Variants in FANCA observed in about 807,000 individuals in gnomAD.
FANCA encodes FA complementation group A.
In FANCA, 236 loss-of-function variants were observed where a neutral mutation model predicts 194.3. That is an observed-to-expected ratio of 1.21 (90% CI 1.09 to 1.35). The LOEUF is 1.35. FANCA is among the 40% of genes most tolerant of loss of function. FANCA has a pLI of 0.00. For synonymous variants in FANCA, 1,014 were observed against 715.8 expected (o/e 1.42, Z -6.65); for missense variants, 2,628 against 1,813.9 (o/e 1.45, Z -8.15).
Position 89,738,673 on chromosome 16 carries a change from C to A in FANCA, c.4296G>T (p.Val1432=). The A allele has an allele frequency of 6.2e-7, 1 of 1,613,862 alleles. No homozygotes were observed. The highest frequency in any genetic ancestry group is 1.1e-5 in the South Asian group (1 of 91,072). ...LADRGDCDPE[V]SAALQSRQQA... The stretch of plus-strand genomic sequence containing the variant: ...GCTGTCTGCTCTGGAGGGCGGCGCT[C>A]ACCTCTGGGTCGCAGTCCCCACGAT... The change falls in exon 43 of 43, where the codon GTG becomes GTT. Residue 1432 remains valine (V), a synonymous_variant. Coordinates refer to ENST00000389301, the MANE Select transcript of FANCA (RefSeq NM_000135.4).
In FANCA at chr16:89,775,740, A is replaced by C; in HGVS notation, c.1900+2T>G. On this transcript the variant is annotated splice_donor_variant, in intron 21 of 42. Transcript: ENST00000389301. LOFTEE classifies it high-confidence loss of function. Reference sequence around the variant, plus strand: ...GAGTGGACAAGCGGCCCAGGAACTTACCTTCTGGCTTCTCTTCAGCAGCAG... The same window carrying C: ...GAGTGGACAAGCGGCCCAGGAACTTCCCTTCTGGCTTCTCTTCAGCAGCAG... 6.2e-7 allele frequency: 1 copy of C among 1,610,718 alleles called. No individual in the cohort carries two copies. Among genetic ancestry groups the C allele is most frequent in the Non-Finnish European group, 8.5e-7 (1 of 1,178,280 alleles).
Position 89,784,925 on chromosome 16 carries a change from T to C in FANCA, c.1399A>G (p.Lys467Glu), listed in dbSNP as rs777349320. The stretch of plus-strand genomic sequence containing the variant: ...GTAAACAGGAAGACCAGGGCCTTCT[T>C]GCTGCAGCCATGGTAGCCTCGTGTG... ...GSTRGYHGCS[K>E]KALVFLFTFL... The change falls in exon 15 of 43, where the codon AAG becomes GAG. Residue 467 changes from lysine (K) to glutamate (E), a missense_variant. Transcript: ENST00000389301. 202 of 1,614,026 alleles carry C rather than the reference T, an allele frequency of 1.3e-4. 1 individual carries two copies. The highest frequency in any genetic ancestry group is 1.7e-4 in the Non-Finnish European group (197 of 1,180,020).
At chr16:89,785,643 G>C (rs997552857) in intron 14 of FANCA, among the ~76,000 whole-genome samples, 1 of 152,104 alleles carries the variant, frequency 6.6e-6, no homozygotes, top group South Asian at 2.1e-4. Context: ...GGCCCTGAAC[G>C]CATCATAGTG....
chr16:89,815,442 C>A (rs578070002), intron 2 of FANCA, among the ~76,000 whole-genome samples: 1 of 145,786 alleles, frequency 6.9e-6, no homozygotes, highest in Non-Finnish European at 1.5e-5. Flanking sequence ...TTCTGCCTCC[C>A]GGGTCCAGGT....
intron 5 of FANCA, among the ~76,000 whole-genome samples, chr16:89,809,287 C>A (rs2040786571): frequency 6.6e-6 from 1 of 152,142 alleles, no homozygotes; most frequent in Admixed American, 6.5e-5. Flanking sequence ...ATCTTCTTCG[C>A]AAATCTGTGA....
intron 30 of FANCA, among the ~76,000 whole-genome samples, chr16:89,756,718 G>A (rs1158603722): frequency 1.3e-5 from 2 of 152,216 alleles, no homozygotes; most frequent in Non-Finnish European, 2.9e-5. Flanking sequence ...GTTCCGCAGT[G>A]AGCAGCTCTG....
intron 7 of FANCA, among the ~76,000 whole-genome samples, chr16:89,803,580 G>T (rs1004983780): frequency 1.3e-5 from 2 of 151,144 alleles, no homozygotes; most frequent in African/African-American, 2.4e-5. Flanking sequence ...TTTTCCTCTT[G>T]CACTTCTATT....
At chr16:89,751,681 A>G (rs9926296) in intron 31 of FANCA, among the ~76,000 whole-genome samples, 82,150 of 151,870 alleles carry the variant, frequency 0.54, 23,223 homozygotes, top group East Asian at 0.98. Flanking sequence ...ACACAGGTAC[A>G]TGCTGCCTAC....
In FANCA at chr16:89,779,218, G is replaced by A. The variant is rs17226351; in HGVS notation, c.1716-215C>T. ...GTCCGTGGGAATCAGGACCACATTC[G>A]GCCTGCTCCCTGGGCTTGAACGTGG... On this transcript the variant is annotated intron_variant, in intron 18 of 42. Transcript: ENST00000389301. 0.016 allele frequency among the ~76,000 whole-genome samples: 2,358 copies of A among 152,120 alleles called. 47 individuals are homozygous for A. The highest frequency in any genetic ancestry group is 0.091 in the South Asian group (438 of 4,814).
chr16:89,759,016 G>C (rs1462504509), intron 29 of FANCA, among the ~76,000 whole-genome samples: 1 of 152,066 alleles, frequency 6.6e-6, no homozygotes, highest in African/African-American at 2.4e-5. Flanking sequence ...GAACAGAATA[G>C]GCAAGCACAA....
At chr16:89,752,909 G>T (rs917893080) in intron 30 of FANCA, among the ~76,000 whole-genome samples, 3 of 152,118 alleles carry the variant, frequency 2.0e-5, no homozygotes, top group African/African-American at 7.2e-5. Context: ...GGGGAGTTTA[G>T]AGAAGACTCT....
At chr16:89,760,565 C>G (rs1486519309) in intron 29 of FANCA, among the ~76,000 whole-genome samples, 1 of 152,156 alleles carries the variant, frequency 6.6e-6, no homozygotes. Flanking sequence ...TTCCCCTCTC[C>G]CTGACCTCCA....
At chr16:89,743,614 G>A (rs1321446315) in intron 36 of FANCA, among the ~76,000 whole-genome samples, 3 of 152,010 alleles carry the variant, frequency 2.0e-5, no homozygotes, top group East Asian at 3.9e-4. Context: ...ACCTGAGGTC[G>A]GGAGTTCGAG....
intron 17 of FANCA, among the ~76,000 whole-genome samples, chr16:89,781,746 T>C (rs1177826178): frequency 6.7e-6 from 1 of 149,092 alleles, no homozygotes; most frequent in Admixed American, 6.8e-5. Context: ...ACGCCTGTAA[T>C]CCCAGCACTT....
chr16:89,815,430 A>G (rs1317736578), intron 2 of FANCA, among the ~76,000 whole-genome samples: 2 of 133,078 alleles, frequency 1.5e-5, no homozygotes, highest in African/African-American at 2.9e-5. Context: ...GCTCACTGCA[A>G]TTTCTGCCTC....
intron 28 of FANCA, among the ~76,000 whole-genome samples, chr16:89,763,618 C>G (rs2039025223): frequency 6.6e-6 from 1 of 152,130 alleles, no homozygotes; most frequent in Non-Finnish European, 1.5e-5. Flanking sequence ...GAGTGACCAC[C>G]ACACAGCCTG....
At chr16:89,791,601 T>A in intron 13 of FANCA, 65 bp from the exon 14 acceptor site, 1 of 1,603,394 alleles carries the variant, frequency 6.2e-7, no homozygotes, top group South Asian at 1.1e-5. Flanking sequence ...TGACGTGAGT[T>A]ATGCTGGGTG....
chr16:89,792,849 C>A (rs901937621), intron 11 of FANCA: 3 of 379,596 alleles, frequency 7.9e-6, no homozygotes, highest in Non-Finnish European at 1.5e-5. Context: ...GGTAAGGTCA[C>A]GTGTCCACTG....
chr16:89,741,211 C>G (rs35365882), intron 37 of FANCA, among the ~76,000 whole-genome samples: 9 of 152,322 alleles, frequency 5.9e-5, no homozygotes, highest in African/African-American at 2.2e-4. Context: ...TTTGTAAAAT[C>G]CTTGAAGATA....
Sources: allele counts gnomAD v4.1 joint callset (sites outside exome capture counted in the v4.1 genomes callset), GRCh38; gene constraint gnomAD v4.1.1; transcripts MANE v1.5; gene names NCBI Gene and HGNC (gene_info 2026-07-23, HGNC 2026-07-21).